PCDHGB4: variants seen among roughly 807,000 people sequenced by gnomAD.
PCDHGB4 encodes protocadherin gamma-B4.
PCDHGB4 carries 38 observed loss-of-function variants against 60.5 expected under a neutral mutation model. That is an observed-to-expected ratio of 0.63 (90% CI 0.48 to 0.82). PCDHGB4 has a LOEUF of 0.82. Ranked by LOEUF, PCDHGB4 falls within the 40% of genes least tolerant of loss-of-function variation. The probability of loss-of-function intolerance (pLI) is 0.00; values close to 1 mark genes in which losing one functional copy is unlikely to be tolerated. For synonymous variants in PCDHGB4, 456 were observed against 509.7 expected (o/e 0.89, Z 1.42); for missense variants, 1,109 against 1,209.6 (o/e 0.92, Z 1.23).
At position 141,443,088 on chromosome 5, in the gene PCDHGB4, T is replaced by C. The variant is rs188899890; in HGVS notation, c.2398-51719T>C. On this transcript the variant is annotated intron_variant, in intron 1 of 3. Transcript: ENST00000519479. ...CGTCTTATGACTGAGTGTTCCAGTC[T>C]CCTTCTCAAGCTGAACCTTGCTTTT... is the stretch of plus-strand genomic sequence containing the variant. 2.9e-3 allele frequency among the ~76,000 whole-genome samples: 446 copies of C among 152,092 alleles called. 1 individual carries two copies. Among genetic ancestry groups the C allele is most frequent in the Middle Eastern group, 0.014 (4 of 294 alleles).
At position 141,487,505 on chromosome 5, in the gene PCDHGB4, G is replaced by GTA; in HGVS notation, c.2398-7302_2398-7301insTA. The GTA allele has an allele frequency of 1.2e-6, 2 of 1,614,200 alleles. No homozygotes were observed. The highest frequency in any genetic ancestry group is 1.7e-6 in the Non-Finnish European group (2 of 1,180,032). ...TCATGGCTGTACACCCTTGGCTTCTGCACCCACTCGGAGTGATAGCTTCAT... is the reference window on the plus strand; with the variant it reads ...TCATGGCTGTACACCCTTGGCTTCTGTACACCCACTCGGAGTGATAGCTTCAT... On this transcript the variant is annotated intron_variant, in intron 1 of 3. Coordinates refer to ENST00000519479, the MANE Select transcript of PCDHGB4 (RefSeq NM_003736.4). This position sits in a 1 kb window ranked among gnomAD's most constrained non-coding sequence, Gnocchi z 5.0.
At chr5:141,497,079 C>T (rs564690352) in intron 2 of PCDHGB4, among the ~76,000 whole-genome samples, 2 of 151,982 alleles carry the variant, frequency 1.3e-5, no homozygotes, top group African/African-American at 4.8e-5. Flanking sequence ...ATCCCAGCGA[C>T]TTAGGAGGCT....
At chr5:141,503,675 T>C (rs1233495836) in intron 2 of PCDHGB4, among the ~76,000 whole-genome samples, 1 of 152,104 alleles carries the variant, frequency 6.6e-6, no homozygotes. Flanking sequence ...CTTCCCACTT[T>C]TGGGAAGGAG....
At chr5:141,410,445 T>A in intron 1 of PCDHGB4, 1 of 1,614,060 alleles carries the variant, frequency 6.2e-7, no homozygotes. Flanking sequence ...GAGGGGACTT[T>A]GCCTTATTCT....
intron 1 of PCDHGB4, chr5:141,421,262 GGCT>G (rs748368476): frequency 2.1e-5 from 34 of 1,608,226 alleles, no homozygotes; most frequent in Admixed American, 5.1e-5. Flanking sequence ...GACCGCAGTC[GGCT>G]GCTGCTGCTG....
At chr5:141,417,888 G>T (rs1406210540) in intron 1 of PCDHGB4, 1 of 1,566,768 alleles carries the variant, frequency 6.4e-7, no homozygotes, top group Middle Eastern at 1.7e-4. Context: ...CAGAGGCGCC[G>T]GGCCGGCCCG....
At chr5:141,421,535 G>GT (rs975619932) in intron 1 of PCDHGB4, 8 of 1,614,032 alleles carry the variant, frequency 5.0e-6, no homozygotes, top group Non-Finnish European at 6.8e-6. Flanking sequence ...GTGTCCTCCT[G>GT]TTTTTTAAAT....
At position 141,486,927 on chromosome 5, in the gene PCDHGB4, G is replaced by T. The variant is rs2099637231; in HGVS notation, c.2398-7880G>T. On this transcript the variant is annotated intron_variant, in intron 1 of 3. Transcript: ENST00000519479. The surrounding 1 kb of genome is among the most constrained non-coding windows in gnomAD (Gnocchi z 5.0). ...CCCCAAGCACTGCCTCCATCAGTTG[G>T]TGCTGGCCACCTAATCACAAAGGTG... 1 of 1,614,108 alleles carries T rather than the reference G, an allele frequency of 6.2e-7. No homozygotes were observed. Among genetic ancestry groups the T allele is most frequent in the Non-Finnish European group, 8.5e-7 (1 of 1,180,054 alleles).
At position 141,432,816 on chromosome 5, in the gene PCDHGB4, C is replaced by A. The variant is rs778545682; in HGVS notation, c.2397+42535C>A. Reference sequence around the variant, plus strand: ...CTCGAGTCTCCAGCTAACTCTGAAACCTCAGACCTCACTCTGTACCTGGTG... The same window carrying A: ...CTCGAGTCTCCAGCTAACTCTGAAAACTCAGACCTCACTCTGTACCTGGTG... On this transcript the variant is annotated intron_variant, in intron 1 of 3. Transcript: ENST00000519479. The surrounding 1 kb of genome is among the most constrained non-coding windows in gnomAD (Gnocchi z 6.0). The A allele has an allele frequency of 7.6e-5, 122 of 1,614,044 alleles. No individual in the cohort carries two copies. The highest frequency in any genetic ancestry group is 3.3e-5 in the Admixed American group (2 of 60,012).
chr5:141,467,908 C>G (rs2099154038), intron 1 of PCDHGB4, among the ~76,000 whole-genome samples: 1 of 152,172 alleles, frequency 6.6e-6, no homozygotes, highest in Non-Finnish European at 1.5e-5. Flanking sequence ...ATCCGCCCAC[C>G]TCAGCCTCCC....
intron 1 of PCDHGB4, among the ~76,000 whole-genome samples, chr5:141,488,635 C>T (rs1476156734): frequency 6.6e-6 from 1 of 152,152 alleles, no homozygotes; most frequent in Non-Finnish European, 1.5e-5. Flanking sequence ...ACCTTAGCAG[C>T]ATTCAGCAGG....
chr5:141,439,416 G>T (rs1169961917), intron 1 of PCDHGB4, among the ~76,000 whole-genome samples: 3 of 152,156 alleles, frequency 2.0e-5, no homozygotes, highest in African/African-American at 7.2e-5. Flanking sequence ...CATCACTGAG[G>T]TTATAAATTC....
At chr5:141,467,906 A>T (rs917983299) in intron 1 of PCDHGB4, among the ~76,000 whole-genome samples, 5 of 152,002 alleles carry the variant, frequency 3.3e-5, no homozygotes, top group African/African-American at 9.7e-5. Flanking sequence ...AAATCCGCCC[A>T]CCTCAGCCTC....
At chr5:141,403,645 A>G (rs2154534430) in intron 1 of PCDHGB4, 1 of 1,613,922 alleles carries the variant, frequency 6.2e-7, no homozygotes, top group South Asian at 1.1e-5. Flanking sequence ...TCCATGTGAC[A>G]GTGTTGGATA....
At position 141,403,108 on chromosome 5, in the gene PCDHGB4, G is replaced by A. The variant is rs189164879; in HGVS notation, c.2397+12827G>A. The A allele has an allele frequency of 2.7e-5, 43 of 1,614,086 alleles. No homozygotes were observed. In the African/African-American group the frequency reaches 5.1e-4, roughly 19 times the overall value. ...TTGTGGGCAACATCTCCAAGGACCT[G>A]GCTCTGGAGCCCCGGGAGCTGGCGG... On this transcript the variant is annotated intron_variant, in intron 1 of 3. Coordinates refer to ENST00000519479, the MANE Select transcript of PCDHGB4 (RefSeq NM_003736.4).
At chr5:141,428,188 G>C (rs1023078587) in intron 1 of PCDHGB4, 1 of 1,433,232 alleles carries the variant, frequency 7.0e-7, no homozygotes, top group African/African-American at 1.4e-5. Flanking sequence ...GACAGCCGCC[G>C]CTCTCTGCGC....
In PCDHGB4 at chr5:141,485,109, C is replaced by A; in HGVS notation, c.2398-9698C>A. ...AGATAGGTGTCTCCAGCTGCTGTGG[C>A]TGTTTGGGGCGGGTCGGCTTCATCC... On this transcript the variant is annotated intron_variant, in intron 1 of 3. Transcript: ENST00000519479. This position sits in a 1 kb window ranked among gnomAD's most constrained non-coding sequence, Gnocchi z 5.7. The A allele has an allele frequency of 1.6e-6, 2 of 1,230,962 alleles. No individual in the cohort carries two copies. The highest frequency in any genetic ancestry group is 2.4e-6 in the Non-Finnish European group (2 of 850,024). The allele number at this position is 1,230,962 out of a possible 1,614,324, so 76.3% of individuals were successfully genotyped here.
chr5:141,501,237 A>G (rs1327502244), intron 2 of PCDHGB4, among the ~76,000 whole-genome samples: 1 of 150,372 alleles, frequency 6.7e-6, no homozygotes, highest in Non-Finnish European at 1.5e-5. Flanking sequence ...CAGTTTTTTG[A>G]GCATGATGTA....
At chr5:141,427,707 T>C in intron 1 of PCDHGB4, 1 of 1,011,828 alleles carries the variant, frequency 9.9e-7, no homozygotes, top group Non-Finnish European at 1.5e-6. Context: ...AGTCAGCGCC[T>C]CTGACCTGGA....
Sources: allele counts gnomAD v4.1 joint callset (sites outside exome capture counted in the v4.1 genomes callset), GRCh38; gene constraint gnomAD v4.1.1; non-coding constraint Gnocchi (gnomAD v3.1); transcripts MANE v1.5; gene names NCBI Gene and HGNC (gene_info 2026-07-23, HGNC 2026-07-21).